CLSTN2: variants seen among roughly 807,000 people sequenced by gnomAD.
The protein encoded by CLSTN2 is calsyntenin 2.
A neutral mutation model predicts 101.2 loss-of-function variants in CLSTN2; 48 were observed. The observed-to-expected ratio is 0.47, with a 90% confidence interval of 0.38 to 0.60. The LOEUF is 0.60. Ranked by LOEUF, CLSTN2 falls within the 20% of genes least tolerant of loss-of-function variation. The pLI, the probability that CLSTN2 is intolerant of heterozygous loss-of-function variation, is 0.00. For synonymous variants in CLSTN2, 481 were observed against 463.6 expected (o/e 1.04, Z -0.48); for missense variants, 1,160 against 1,238.2 (o/e 0.94, Z 0.95).
At chr3:140,387,435 C>T (rs999506284) in intron 2 of CLSTN2, among the ~76,000 whole-genome samples, 1 of 152,196 alleles carries the variant, frequency 6.6e-6, no homozygotes, top group Non-Finnish European at 1.5e-5. Flanking sequence ...CATTGGGCAG[C>T]CTGTGAGCCT....
intron 2 of CLSTN2, among the ~76,000 whole-genome samples, chr3:140,197,606 C>T (rs2010662669): frequency 6.6e-6 from 1 of 152,142 alleles, no homozygotes; most frequent in Non-Finnish European, 1.5e-5. Flanking sequence ...GATCTTACCC[C>T]TCTTACTCTT....
intron 1 of CLSTN2, among the ~76,000 whole-genome samples, chr3:140,138,697 C>T (rs746102298): frequency 2.0e-5 from 3 of 152,162 alleles, no homozygotes; most frequent in Non-Finnish European, 2.9e-5. Flanking sequence ...GAGTTACCCC[C>T]TACTCTCACC....
chr3:140,366,548 G>T (rs2087791602), intron 2 of CLSTN2, among the ~76,000 whole-genome samples: 1 of 152,184 alleles, frequency 6.6e-6, no homozygotes, highest in Non-Finnish European at 1.5e-5. Flanking sequence ...TAGGGCCCTT[G>T]CATTGTCATT....
chr3:140,295,365 C>G (rs2086993362), intron 2 of CLSTN2, among the ~76,000 whole-genome samples: 1 of 152,118 alleles, frequency 6.6e-6, no homozygotes, highest in Admixed American at 6.5e-5. Context: ...AACTATTTCC[C>G]TTGGTTTTAA....
At chr3:140,511,825 A>G (rs1455647342) in intron 8 of CLSTN2, among the ~76,000 whole-genome samples, 1 of 150,948 alleles carries the variant, frequency 6.6e-6, no homozygotes, top group Non-Finnish European at 1.5e-5. Flanking sequence ...TTTTAATATT[A>G]GCCATTCTGA....
intron 1 of CLSTN2, among the ~76,000 whole-genome samples, chr3:140,042,528 A>T (rs918948309): frequency 4.0e-5 from 6 of 151,838 alleles, no homozygotes; most frequent in African/African-American, 1.2e-4. Context: ...TTCTTTTATT[A>T]TTATTATTAT....
At chr3:140,489,798 G>A (rs1300767576) in intron 8 of CLSTN2, among the ~76,000 whole-genome samples, 1 of 151,434 alleles carries the variant, frequency 6.6e-6, no homozygotes, top group African/African-American at 2.4e-5. Context: ...TCAGATGTGA[G>A]GTAACTGTGG....
intron 9 of CLSTN2, among the ~76,000 whole-genome samples, chr3:140,546,260 G>A (rs1935581936): frequency 6.6e-6 from 1 of 152,210 alleles, no homozygotes; most frequent in African/African-American, 2.4e-5. Context: ...CTAAGACAGT[G>A]TGCCCTTGAA....
At chr3:140,461,996 T>A (rs1174069775) in intron 7 of CLSTN2, among the ~76,000 whole-genome samples, 1 of 80,678 alleles carries the variant, frequency 1.2e-5, no homozygotes, top group African/African-American at 4.8e-5. Flanking sequence ...ACATCAAAAT[T>A]TTTTTCAAGT....
At chr3:140,044,589 G>A (rs2007830260) in intron 1 of CLSTN2, among the ~76,000 whole-genome samples, 2 of 152,152 alleles carry the variant, frequency 1.3e-5, no homozygotes, top group Admixed American at 6.5e-5. Context: ...GGTGAGAGAG[G>A]GCATCCCTGT....
chr3:140,319,562 G>A (rs2087262230), intron 2 of CLSTN2, among the ~76,000 whole-genome samples: 1 of 152,208 alleles, frequency 6.6e-6, no homozygotes, highest in South Asian at 2.1e-4. Context: ...CCCCTGTAGG[G>A]TTAGGGAAGG....
At chr3:140,126,444 G>A (rs1205414276) in intron 1 of CLSTN2, among the ~76,000 whole-genome samples, 3 of 152,104 alleles carry the variant, frequency 2.0e-5, no homozygotes, top group Non-Finnish European at 4.4e-5. Flanking sequence ...TCTACTCCTA[G>A]AAGAGTTTTG....
intron 1 of CLSTN2, among the ~76,000 whole-genome samples, chr3:139,988,437 T>C (rs986137242): frequency 3.3e-5 from 5 of 152,186 alleles, no homozygotes; most frequent in Non-Finnish European, 7.3e-5. Context: ...CCATATCCCA[T>C]GGTGTTTGTG....
At chr3:140,149,190 C>T (rs1295268363) in intron 1 of CLSTN2, among the ~76,000 whole-genome samples, 1 of 152,272 alleles carries the variant, frequency 6.6e-6, no homozygotes, top group East Asian at 1.9e-4. Context: ...TCAAAACCTG[C>T]TCTCAGTAAC....
intron 1 of CLSTN2, among the ~76,000 whole-genome samples, chr3:140,077,332 C>T (rs979998773): frequency 2.6e-5 from 4 of 152,196 alleles, no homozygotes; most frequent in Non-Finnish European, 1.5e-5. Flanking sequence ...GTGCTCCTTC[C>T]TGGCCCATGA....
At chr3:140,230,260 G>A (rs1183587146) in intron 2 of CLSTN2, among the ~76,000 whole-genome samples, 3 of 152,148 alleles carry the variant, frequency 2.0e-5, no homozygotes, top group African/African-American at 4.8e-5. Context: ...TGTTGGGAAG[G>A]TTTTCTATGG....
chr3:140,364,216 C>G (rs2087759966), intron 2 of CLSTN2, among the ~76,000 whole-genome samples: 1 of 152,104 alleles, frequency 6.6e-6, no homozygotes, highest in South Asian at 2.1e-4. Flanking sequence ...ATCAGACACA[C>G]TCACCCAGAG....
chr3:140,360,025 C>CACAT (rs1219485717), intron 2 of CLSTN2, among the ~76,000 whole-genome samples: 1 of 137,202 alleles, frequency 7.3e-6, no homozygotes, highest in Non-Finnish European at 1.7e-5. Context: ...CACACACACA[C>CACAT]ACATATATAT....
intron 5 of CLSTN2, among the ~76,000 whole-genome samples, chr3:140,441,689 G>C (rs563628734): frequency 2.2e-4 from 34 of 152,304 alleles, no homozygotes; most frequent in African/African-American, 7.9e-4. Context: ...AGGAACTCAT[G>C]CCTAGAGGCC....
Sources: gnomAD v4.1 joint callset for allele counts (sites outside exome capture counted in the v4.1 genomes callset) on GRCh38, gnomAD v4.1.1 for gene constraint, MANE v1.5 for transcripts, NCBI Gene and HGNC (gene_info 2026-07-23, HGNC 2026-07-21) for gene names.